Variants in SLC2A14 observed in about 807,000 individuals in gnomAD.
SLC2A14 encodes solute carrier family 2 member 14, also known as solute carrier family 2, facilitated glucose transporter member 14.
A neutral mutation model predicts 43.0 loss-of-function variants in SLC2A14; 13 were observed. That is an observed-to-expected ratio of 0.30 (90% CI 0.20 to 0.48). The LOEUF is 0.48. SLC2A14 is among the 20% of genes least tolerant of loss of function. The pLI is 0.99. For missense variants in SLC2A14, 428 were observed against 620.4 expected (o/e 0.69, Z 3.29); for synonymous variants, 190 against 233.8 (o/e 0.81, Z 1.71).
chr12:7,818,031 G>T lies in SLC2A14; in HGVS notation c.1075C>A (p.His359Asn). The T allele has an allele frequency of 6.2e-7, 1 of 1,613,008 alleles. No individual in the cohort carries two copies. The highest frequency in any genetic ancestry group is 8.5e-7 in the Non-Finnish European group (1 of 1,179,472). Residue 359 changes from histidine to asparagine, a missense_variant, in exon 10 of 11, where the codon CAC (histidine) becomes AAC (asparagine). Around this residue, in one of 4 missense-constraint regions of SLC2A14, gnomAD observed 119 missense variants for 188.7 expected, o/e 0.63. Coordinates refer to ENST00000431042, the MANE Select transcript of SLC2A14 (RefSeq NM_001286234.2). ...CAGACAAAGCTCATCCCATTATAGT[G>T]ATTCTGTAAGAGGAAGGAACACAGA... ...LMTVSLLLKNHYNGMSFVCIG... is the reference protein window; with the variant it reads ...LMTVSLLLKNNYNGMSFVCIG...
chr12:7,874,728 A>ATATTTATAT (rs1565584309), upstream of SLC2A14, among the ~76,000 whole-genome samples: 5 of 31,088 alleles, frequency 1.6e-4, no homozygotes, highest in Non-Finnish European at 3.9e-4. Flanking sequence ...AAATATATAA[A>ATATTTATAT]AAATATATAA....
At chr12:7,886,702 T>C (rs1945694522) in intron 1 of SLC2A14, among the ~76,000 whole-genome samples, 1 of 152,050 alleles carries the variant, frequency 6.6e-6, no homozygotes, top group African/African-American at 2.4e-5. Flanking sequence ...CTGTTAGTTG[T>C]GAATTAAAGA....
intron 1 of SLC2A14, among the ~76,000 whole-genome samples, chr12:7,885,238 G>A (rs1010276344): frequency 2.6e-5 from 4 of 152,074 alleles, no homozygotes; most frequent in Admixed American, 6.6e-5. Flanking sequence ...AGGCCGAGGC[G>A]GGCAGATCAC....
At chr12:7,872,997 C>T (rs1252229174), upstream of SLC2A14, 1 of 985,516 alleles carries the variant, frequency 1.0e-6, no homozygotes, top group Non-Finnish European at 1.2e-6. Context: ...GGGAGCCCTC[C>T]GTAAGCAAGA....
intron 2 of SLC2A14, among the ~76,000 whole-genome samples, chr12:7,861,870 G>A (rs1443141931): frequency 4.0e-5 from 6 of 151,422 alleles, no homozygotes; most frequent in Middle Eastern, 3.4e-3. Flanking sequence ...GCTGACGCAG[G>A]AGAAATGCTG....
intron 1 of SLC2A14, among the ~76,000 whole-genome samples, chr12:7,887,588 G>C (rs986076838): frequency 4.7e-5 from 7 of 150,332 alleles, no homozygotes; most frequent in Non-Finnish European, 8.9e-5. Context: ...TAGATAGATA[G>C]ATAGATAGAT....
At position 7,837,657 on chromosome 12, in the gene SLC2A14, G is replaced by A. The variant is rs866493583; in HGVS notation, c.19-4843C>T. 9.5e-3 allele frequency among the ~76,000 whole-genome samples: 333 copies of A among 35,120 alleles called. 4 individuals are homozygous for A. The highest frequency in any genetic ancestry group is 0.028 in the Middle Eastern group (1 of 36). The allele number at this position is 35,120 out of a possible 152,430, so 23.0% of individuals were successfully genotyped here. ...TCGTCTCAAAAAAAAAAAAAAAAAA[G>A]ATGGTTCACATGGTAACCATTTTTC... On this transcript the variant is annotated intron_variant, in intron 2 of 10. Transcript: ENST00000431042.
chr12:7,829,807 G>C lies in SLC2A14; in HGVS notation c.472C>G (p.Leu158Val), dbSNP rs962189962. The C allele has an allele frequency of 4.3e-6, 7 of 1,614,028 alleles. No homozygotes were observed. In the African/African-American group the frequency reaches 9.3e-5, roughly 22 times the overall value. ...CCAATAACTATGCCCAGCTGGTTGA[G>C]AGTGCCAAAGGCACCCCTCAGGGCA... ...PTALRGAFGT[L>V]NQLGIVIGIL... The change falls in exon 5 of 11, where the codon CTC becomes GTC. Residue 158 changes from leucine to valine, a missense_variant. By Grantham distance (32) the Leu-to-Val change is conservative. Coordinates refer to ENST00000431042, the MANE Select transcript of SLC2A14 (RefSeq NM_001286234.2).
chr12:7,871,137 G>T, intron 1 of SLC2A14: 2 of 1,325,110 alleles, frequency 1.5e-6, no homozygotes, highest in South Asian at 2.7e-5. Flanking sequence ...GGGAGAAGCT[G>T]AATGGAACAG....
At chr12:7,863,700 C>G (rs1027242141) in intron 2 of SLC2A14, among the ~76,000 whole-genome samples, 6 of 152,100 alleles carry the variant, frequency 3.9e-5, no homozygotes, top group African/African-American at 1.4e-4. Flanking sequence ...GACAAACATA[C>G]TGTTTATGGA....
At chr12:7,879,048 T>C (rs1437895815) in intron 1 of SLC2A14, among the ~76,000 whole-genome samples, 2 of 135,642 alleles carry the variant, frequency 1.5e-5, no homozygotes, top group African/African-American at 2.8e-5. Flanking sequence ...CTCTAGAAAG[T>C]AGGGGTGTCT....
intron 2 of SLC2A14, among the ~76,000 whole-genome samples, chr12:7,843,026 C>CTGTAAATCGTAAATTCTAAG (rs1457235800): frequency 6.6e-6 from 1 of 152,076 alleles, no homozygotes; most frequent in Admixed American, 6.6e-5. Context: ...CCGCGCCTGG[C>CTGTAAATCGTAAATTCTAAG]CACATAAATG....
intron 7 of SLC2A14, among the ~76,000 whole-genome samples, chr12:7,826,994 T>C (rs202049130): frequency 8.6e-6 from 1 of 116,220 alleles, no homozygotes; most frequent in Non-Finnish European, 1.8e-5. Flanking sequence ...CTTTCTCTCT[T>C]TCTCTCCTTT....
intron 3 of SLC2A14, among the ~76,000 whole-genome samples, chr12:7,832,499 A>G (rs1252725255): frequency 6.6e-6 from 1 of 152,146 alleles, no homozygotes; most frequent in Non-Finnish European, 1.5e-5. Flanking sequence ...GGATAGATAC[A>G]AAGTTTAATT....
chr12:7,820,809 G>A lies in SLC2A14; in HGVS notation c.969+412C>T, dbSNP rs181676405. On this transcript the variant is annotated intron_variant, in intron 8 of 10. Coordinates refer to ENST00000431042, the MANE Select transcript of SLC2A14 (RefSeq NM_001286234.2). ...CCAAAGGAAAATTAAACAACAGTCC[G>A]GGCACGCTGGCTCACACCTGTAATC... Among the ~76,000 whole-genome samples, 6 of 152,100 alleles carry A rather than the reference G, an allele frequency of 3.9e-5. No homozygotes were observed. In the South Asian group the frequency reaches 6.2e-4, roughly 16 times the overall value.
upstream of SLC2A14, among the ~76,000 whole-genome samples, chr12:7,874,515 G>T (rs1357553675): frequency 6.6e-6 from 1 of 151,232 alleles, no homozygotes; most frequent in African/African-American, 2.4e-5. Context: ...CTACTGAAAA[G>T]ACAAAAACTA....
At chr12:7,867,391 C>T (rs753264295) in intron 2 of SLC2A14, among the ~76,000 whole-genome samples, 165 of 150,800 alleles carry the variant, frequency 1.1e-3, no homozygotes, top group African/African-American at 3.9e-3. Context: ...TCATGGATGA[C>T]TTTGATGGGT....
chr12:7,888,627 G>A (rs11056344), intron 1 of SLC2A14, among the ~76,000 whole-genome samples: 29,043 of 151,534 alleles, frequency 0.19, 3,103 homozygotes, highest in Middle Eastern at 0.32. Context: ...GTGAAACCCC[G>A]TCTCTACTAA....
chr12:7,860,947 C>T (rs772929250), intron 2 of SLC2A14, among the ~76,000 whole-genome samples: 2 of 152,078 alleles, frequency 1.3e-5, no homozygotes, highest in African/African-American at 2.4e-5. Context: ...CATGCACCAC[C>T]ATGCCCAGCT....
Sources: allele counts gnomAD v4.1 joint callset (sites outside exome capture counted in the v4.1 genomes callset), GRCh38; gene constraint gnomAD v4.1.1; regional missense constraint gnomAD v4.1.1; transcripts MANE v1.5; gene names NCBI Gene and HGNC (gene_info 2026-07-23, HGNC 2026-07-21).